Variants in CSMD1 observed in about 807,000 individuals in gnomAD.
CSMD1 encodes the protein CUB and sushi domain-containing protein 1.
Under a neutral mutation model 417.5 loss-of-function variants are expected in CSMD1, and 213 were observed. That is an observed-to-expected ratio of 0.51 (90% CI 0.46 to 0.57). The LOEUF is 0.57. Among genes scored for constraint, CSMD1 ranks in the 20% least tolerant of loss-of-function variants. CSMD1 has a pLI of 0.00. For synonymous variants in CSMD1, 2,862 were observed against 1,736.8 expected (o/e 1.65, Z -16.11); for missense variants, 6,923 against 4,529.7 (o/e 1.53, Z -15.17).
chr8:4,659,894 GA>G (rs1365479414), intron 1 of CSMD1, among the ~76,000 whole-genome samples: 8 of 151,554 alleles, frequency 5.3e-5, no homozygotes, highest in Admixed American at 6.6e-5. Context: ...GTCCATCAGG[GA>G]AAAAATGCAT....
intron 2 of CSMD1, among the ~76,000 whole-genome samples, chr8:4,481,967 C>T (rs1216781961): frequency 6.6e-6 from 1 of 152,140 alleles, no homozygotes; most frequent in Non-Finnish European, 1.5e-5. Context: ...TTACTCTTAG[C>T]TGCTATATTA....
At chr8:4,128,882 A>G (rs939858996) in intron 3 of CSMD1, among the ~76,000 whole-genome samples, 1 of 152,074 alleles carries the variant, frequency 6.6e-6, no homozygotes, top group Non-Finnish European at 1.5e-5. Context: ...TGTATCATGA[A>G]TATTTCTGTC....
intron 3 of CSMD1, among the ~76,000 whole-genome samples, chr8:4,157,702 G>C (rs13270578): frequency 0.31 from 47,274 of 152,018 alleles, 9,093 homozygotes; most frequent in Non-Finnish European, 0.42. Context: ...GCCTTGGGTG[G>C]GTCTGCACAG....
chr8:4,040,547 T>G (rs1797833233), intron 3 of CSMD1, among the ~76,000 whole-genome samples: 1 of 152,186 alleles, frequency 6.6e-6, no homozygotes, highest in South Asian at 2.1e-4. Context: ...TGATAAAGTG[T>G]GATTAGATCT....
intron 40 of CSMD1, among the ~76,000 whole-genome samples, chr8:3,146,909 T>C (rs866526196): frequency 1.6e-4 from 24 of 152,176 alleles, no homozygotes; most frequent in Non-Finnish European, 2.9e-5. Flanking sequence ...GATTAGACAA[T>C]CGATCAGGCA....
intron 41 of CSMD1, among the ~76,000 whole-genome samples, chr8:3,127,075 C>T (rs939368314): frequency 6.6e-6 from 1 of 152,178 alleles, no homozygotes; most frequent in African/African-American, 2.4e-5. Context: ...GCAGGGAGAA[C>T]ATCCGTCAAC....
At chr8:3,420,264 A>C (rs1016373261) in intron 12 of CSMD1, among the ~76,000 whole-genome samples, 5 of 152,048 alleles carry the variant, frequency 3.3e-5, no homozygotes, top group Non-Finnish European at 5.9e-5. Context: ...GATAAATACA[A>C]CCTGAGGAAT....
intron 7 of CSMD1, among the ~76,000 whole-genome samples, chr8:3,691,547 A>C (rs972332382): frequency 5.3e-5 from 8 of 152,204 alleles, no homozygotes; most frequent in Admixed American, 4.6e-4. Flanking sequence ...ACCTACCTGA[A>C]TGAATAATTG....
chr8:4,242,271 C>A (rs1388246879), intron 3 of CSMD1, among the ~76,000 whole-genome samples: 1 of 152,128 alleles, frequency 6.6e-6, no homozygotes, highest in Non-Finnish European at 1.5e-5. Context: ...TCTGTGAATG[C>A]TTTACAGTGA....
chr8:4,302,299 C>G (rs1433019427), intron 3 of CSMD1, among the ~76,000 whole-genome samples: 3 of 152,106 alleles, frequency 2.0e-5, no homozygotes, highest in Non-Finnish European at 4.4e-5. Context: ...GAATGGTTTT[C>G]CTTAACTCAT....
chr8:4,608,486 C>G (rs964077078), intron 2 of CSMD1, among the ~76,000 whole-genome samples: 7 of 152,180 alleles, frequency 4.6e-5, no homozygotes, highest in Non-Finnish European at 8.8e-5. Context: ...TGTCAAGAAA[C>G]TGATGTATTA....
chr8:3,791,154 G>C (rs974777342), intron 5 of CSMD1, among the ~76,000 whole-genome samples: 3 of 152,064 alleles, frequency 2.0e-5, no homozygotes, highest in African/African-American at 4.8e-5. Context: ...ATTCTTCTAG[G>C]TTATTACTTA....
intron 3 of CSMD1, among the ~76,000 whole-genome samples, chr8:4,121,306 C>T (rs916427895): frequency 2.0e-5 from 3 of 151,864 alleles, no homozygotes; most frequent in East Asian, 1.9e-4. Context: ...GTAGAGACAC[C>T]GTTCCACCAT....
At chr8:3,926,621 T>C (rs1809747922) in intron 5 of CSMD1, among the ~76,000 whole-genome samples, 1 of 151,930 alleles carries the variant, frequency 6.6e-6, no homozygotes, top group Non-Finnish European at 1.5e-5. Context: ...AATATGATTT[T>C]ATGAAAAGCA....
At chr8:3,837,651 C>A (rs901271871) in intron 5 of CSMD1, among the ~76,000 whole-genome samples, 1 of 152,074 alleles carries the variant, frequency 6.6e-6, no homozygotes, top group Non-Finnish European at 1.5e-5. Context: ...GTAAGAAAAT[C>A]CCATCCTACA....
At chr8:3,752,086 G>A (rs924711461) in intron 6 of CSMD1, among the ~76,000 whole-genome samples, 4 of 152,030 alleles carry the variant, frequency 2.6e-5, no homozygotes, top group Non-Finnish European at 1.5e-5. Flanking sequence ...CAGCCTGGGT[G>A]TGCACCCACC....
At chr8:4,104,435 C>G (rs566621501) in intron 3 of CSMD1, among the ~76,000 whole-genome samples, 2 of 140,134 alleles carry the variant, frequency 1.4e-5, no homozygotes, top group Admixed American at 1.4e-4. Context: ...TGCGCACACG[C>G]ATGCACACAC....
intron 6 of CSMD1, among the ~76,000 whole-genome samples, chr8:3,733,464 A>G (rs1015388120): frequency 1.3e-4 from 20 of 151,644 alleles, no homozygotes; most frequent in African/African-American, 4.4e-4. Context: ...CACTTATTCA[A>G]TGTTTTGCTT....
chr8:4,542,944 G>T (rs150497512), intron 2 of CSMD1, among the ~76,000 whole-genome samples: 46 of 152,162 alleles, frequency 3.0e-4, no homozygotes, highest in Admixed American at 1.5e-3. Flanking sequence ...CCTCCATACA[G>T]TTATAATCAT....
Sources: allele counts gnomAD v4.1 joint callset (sites outside exome capture counted in the v4.1 genomes callset), GRCh38; gene constraint gnomAD v4.1.1; transcripts MANE v1.5; gene names NCBI Gene and HGNC (gene_info 2026-07-23, HGNC 2026-07-21).